ARHGAP29: variants seen among roughly 807,000 people sequenced by gnomAD.
The protein encoded by ARHGAP29 is rho GTPase-activating protein 29.
In ARHGAP29, 43 loss-of-function variants were observed where a neutral mutation model predicts 122.6. The ratio of observed to expected loss-of-function variants is 0.35; its 90% CI spans 0.27 to 0.45. The LOEUF (loss-of-function observed/expected upper bound fraction) is 0.45, where lower values mean the gene tolerates loss of function less well. Among genes scored for constraint, ARHGAP29 ranks in the 20% least tolerant of loss-of-function variants. The pLI is 1.00. For synonymous variants in ARHGAP29, 506 were observed against 497.1 expected (o/e 1.02, Z -0.24); for missense variants, 1,303 against 1,477.2 (o/e 0.88, Z 1.93).
chr1:94,216,400 A>T (rs1281165811), intron 3 of ARHGAP29, among the ~76,000 whole-genome samples: 1 of 152,214 alleles, frequency 6.6e-6, no homozygotes, highest in Non-Finnish European at 1.5e-5. Context: ...TGCAAAAAGG[A>T]GGTTAAAAAA....
upstream of ARHGAP29, among the ~76,000 whole-genome samples, chr1:94,276,830 A>G (rs538220384): frequency 1.4e-5 from 2 of 145,674 alleles, no homozygotes; most frequent in Admixed American, 7.0e-5. Flanking sequence ...CCAATTCTCT[A>G]TTCACTGTAG....
intron 1 of ARHGAP29, among the ~76,000 whole-genome samples, chr1:94,269,884 G>A (rs1304308654): frequency 6.6e-6 from 1 of 152,110 alleles, no homozygotes; most frequent in Non-Finnish European, 1.5e-5. Context: ...TCCGTTTACT[G>A]GGGGGTCTGC....
chr1:94,187,375 C>A (rs929003009), intron 15 of ARHGAP29, among the ~76,000 whole-genome samples: 3 of 152,182 alleles, frequency 2.0e-5, no homozygotes, highest in Non-Finnish European at 4.4e-5. Context: ...TCACAATATG[C>A]TTAAAGGTAG....
intron 2 of ARHGAP29, among the ~76,000 whole-genome samples, chr1:94,223,486 T>C (rs1283607276): frequency 3.9e-5 from 6 of 152,082 alleles, no homozygotes; most frequent in African/African-American, 1.4e-4. Flanking sequence ...TTAAAACACA[T>C]AACGCACTTA....
chr1:94,181,700 A>G (rs1435037425), intron 19 of ARHGAP29, among the ~76,000 whole-genome samples: 1 of 152,182 alleles, frequency 6.6e-6, no homozygotes, highest in African/African-American at 2.4e-5. Context: ...CAACTCTTTC[A>G]TTTTAAGCAG....
chr1:94,220,486 A>G, intron 2 of ARHGAP29, 94 bp from the exon 3 acceptor site: 2 of 1,171,608 alleles, frequency 1.7e-6, no homozygotes, highest in Non-Finnish European at 2.3e-6. Flanking sequence ...AAGTAGAAGC[A>G]TTGGTTACAC....
chr1:94,253,968 A>C (rs866907437), intron 1 of ARHGAP29, among the ~76,000 whole-genome samples: 1 of 152,350 alleles, frequency 6.6e-6, no homozygotes, highest in Middle Eastern at 3.4e-3. Context: ...AATTCACTCA[A>C]GATAAGATTA....
chr1:94,301,729 CA>C, the ARHGAP29 span, among the ~76,000 whole-genome samples: 1 of 152,142 alleles, frequency 6.6e-6, no homozygotes, highest in Non-Finnish European at 1.5e-5. Flanking sequence ...CTTTCTGCAA[CA>C]GCCATCCTGA....
intron 5 of ARHGAP29, among the ~76,000 whole-genome samples, chr1:94,207,904 A>C (rs182269387): frequency 1.1e-4 from 16 of 152,120 alleles, no homozygotes; most frequent in African/African-American, 3.9e-4. Flanking sequence ...GGAATGACAC[A>C]ATCACAGCTC....
chr1:94,187,488 T>C (rs1162512346), intron 15 of ARHGAP29, among the ~76,000 whole-genome samples: 1 of 152,208 alleles, frequency 6.6e-6, no homozygotes, highest in Admixed American at 6.5e-5. Context: ...ATTTCTTATA[T>C]TACTGAACAG....
At chr1:94,273,519 G>C (rs929866721) in intron 1 of ARHGAP29, among the ~76,000 whole-genome samples, 1 of 152,106 alleles carries the variant, frequency 6.6e-6, no homozygotes, top group Non-Finnish European at 1.5e-5. Context: ...TCCACCCTCT[G>C]CATTTTTCAA....
At position 94,233,777 on chromosome 1, in the gene ARHGAP29, G is replaced by C. The variant is rs151180992; in HGVS notation, c.-32-2134C>G. Among the ~76,000 whole-genome samples, 7 of 152,196 alleles carry C rather than the reference G, an allele frequency of 4.6e-5. No homozygotes were observed. In the East Asian group the frequency reaches 1.4e-3, roughly 29 times the overall value. ...GTTAAGTGTATTATGTTTGTGTGTG[G>C]CATGCTTCTGGGTAAGGCTCCATGG... On this transcript the variant is annotated intron_variant, in intron 1 of 22. Transcript: ENST00000260526.
At chr1:94,247,723 A>G (rs1267249567) in intron 1 of ARHGAP29, 15 of 718,666 alleles carry the variant, frequency 2.1e-5, no homozygotes, top group Non-Finnish European at 2.6e-5. Flanking sequence ...CACCACCACC[A>G]CAGCGGCCGC....
rs141975494 is a variant in ARHGAP29 at position 94,203,139 on chromosome 1, T to C, written c.834A>G (p.Gln278=). The change falls in exon 9 of 23, where the codon CAA becomes CAG. Residue 278 remains glutamine, a synonymous_variant. Coordinates refer to ENST00000260526, the MANE Select transcript of ARHGAP29 (RefSeq NM_004815.4). Reference sequence around the variant, plus strand: ...TAGCCTGGAGAGCTGCAATTGTTTGTTGTAAAAGGTGACTGCTTTCTATAT... The same window carrying C: ...TAGCCTGGAGAGCTGCAATTGTTTGCTGTAAAAGGTGACTGCTTTCTATAT... ...LNDIESSHLL[Q]QTIAALQANK... 4.9e-5 allele frequency: 79 copies of C among 1,613,522 alleles called. No individual in the cohort carries two copies. Among genetic ancestry groups the C allele is most frequent in the Non-Finnish European group, 6.5e-5 (77 of 1,179,802 alleles).
chr1:94,226,070 G>GA (rs1259914014), intron 2 of ARHGAP29, among the ~76,000 whole-genome samples: 17 of 151,526 alleles, frequency 1.1e-4, no homozygotes, highest in East Asian at 9.7e-4. Flanking sequence ...GTAAATAAAT[G>GA]AAAAAAACAT....
At chr1:94,294,304 A>AAT in the ARHGAP29 span, among the ~76,000 whole-genome samples, 78 of 151,476 alleles carry the variant, frequency 5.1e-4, no homozygotes, top group Middle Eastern at 3.4e-3. Context: ...TTACAATATA[A>AAT]ATATATATAT....
the ARHGAP29 span, among the ~76,000 whole-genome samples, chr1:94,296,724 G>A: frequency 1.3e-5 from 2 of 152,146 alleles, no homozygotes; most frequent in Non-Finnish European, 2.9e-5. Context: ...GGTAGAGAAG[G>A]ATGCAAAGTT....
chr1:94,247,117 T>C (rs559186544), intron 1 of ARHGAP29, among the ~76,000 whole-genome samples: 6 of 152,232 alleles, frequency 3.9e-5, no homozygotes, highest in Admixed American at 6.5e-5. Flanking sequence ...AGCCTTTGCA[T>C]GTGTCAGACT....
chr1:94,217,540 A>C (rs1051536019), intron 3 of ARHGAP29, among the ~76,000 whole-genome samples: 1 of 151,428 alleles, frequency 6.6e-6, no homozygotes, highest in African/African-American at 2.4e-5. Context: ...AAAAAAAAAA[A>C]AAAACACTCA....
Sources: gnomAD v4.1 joint callset for allele counts (sites outside exome capture counted in the v4.1 genomes callset) on GRCh38, gnomAD v4.1.1 for gene constraint, MANE v1.5 for transcripts, NCBI Gene and HGNC (gene_info 2026-07-23, HGNC 2026-07-21) for gene names.